Variants in ST6GALNAC3 observed in about 807,000 individuals in gnomAD.
ST6GALNAC3 encodes the protein alpha-N-acetylgalactosaminide alpha-2,6-sialyltransferase 3.
In ST6GALNAC3, 25 loss-of-function variants were observed where a neutral mutation model predicts 32.7. That is an observed-to-expected ratio of 0.76 (90% confidence interval 0.56 to 1.07). The LOEUF (loss-of-function observed/expected upper bound fraction) is 1.07. Among genes scored for constraint, ST6GALNAC3 ranks in the 50% least tolerant of loss-of-function variants. ST6GALNAC3 has a pLI of 0.00. For missense variants in ST6GALNAC3, 355 were observed against 382.4 expected (o/e 0.93, Z 0.60); for synonymous variants, 129 against 133.1 (o/e 0.97, Z 0.21).
intron 2 of ST6GALNAC3, among the ~76,000 whole-genome samples, chr1:76,361,885 G>A (rs1250219277): frequency 2.0e-5 from 3 of 151,090 alleles, no homozygotes; most frequent in Non-Finnish European, 2.9e-5. Flanking sequence ...GGCTGAAGCA[G>A]GAGAATCACT....
At chr1:76,564,672 G>A (rs1044838274) in intron 3 of ST6GALNAC3, among the ~76,000 whole-genome samples, 13 of 146,470 alleles carry the variant, frequency 8.9e-5, no homozygotes, top group Admixed American at 2.1e-4. Flanking sequence ...TGCAAGCTCC[G>A]CCTCCCGGGT....
At chr1:76,515,138 TG>T (rs1268403660) in intron 3 of ST6GALNAC3, among the ~76,000 whole-genome samples, 60 of 152,284 alleles carry the variant, frequency 3.9e-4, no homozygotes, top group African/African-American at 1.4e-3. Context: ...GCCATCAGGC[TG>T]GGCTTTGTAT....
At position 76,221,835 on chromosome 1, in the gene ST6GALNAC3, G is replaced by C. The variant is rs116743864; in HGVS notation, c.19-91970G>C. On this transcript the variant is annotated intron_variant, in intron 1 of 4. Coordinates refer to ENST00000328299, the MANE Select transcript of ST6GALNAC3 (RefSeq NM_152996.4). ...TTAACTGTAGAGATTATTGGCATAA[G>C]AGTTATTAATATAAAAGTCATGACT... 5.3e-3 allele frequency among the ~76,000 whole-genome samples: 814 copies of C among 152,210 alleles called. 12 individuals are homozygous for C. Among genetic ancestry groups the C allele is most frequent in the African/African-American group, 0.019 (771 of 41,538 alleles).
intron 2 of ST6GALNAC3, among the ~76,000 whole-genome samples, chr1:76,364,868 A>T (rs1650245601): frequency 6.6e-6 from 1 of 152,214 alleles, no homozygotes; most frequent in Admixed American, 6.5e-5. Flanking sequence ...ATGCTTATAC[A>T]CTATTGGTGG....
intron 3 of ST6GALNAC3, among the ~76,000 whole-genome samples, chr1:76,568,167 C>T (rs1461962966): frequency 6.6e-6 from 1 of 152,150 alleles, no homozygotes; most frequent in Non-Finnish European, 1.5e-5. Flanking sequence ...TTGTATCATT[C>T]CACGCTTTGA....
Position 76,206,531 on chromosome 1 carries a change from C to T in ST6GALNAC3, c.19-107274C>T, listed in dbSNP as rs1455270686. 3.3e-5 allele frequency among the ~76,000 whole-genome samples: 5 copies of T among 152,086 alleles called. No individual in the cohort carries two copies. The East Asian group carries it at 7.7e-4, about 23-fold the overall frequency. ...GATCATGAGGTCAGGAGATCAAGAC[C>T]ATCCTGGCCAACATGGTGAAACCCC... On this transcript the variant is annotated intron_variant, in intron 1 of 4. Transcript: ENST00000328299.
At chr1:76,255,937 C>T (rs923393614) in intron 1 of ST6GALNAC3, among the ~76,000 whole-genome samples, 12 of 150,988 alleles carry the variant, frequency 7.9e-5, no homozygotes, top group South Asian at 4.2e-4. Flanking sequence ...AGCTTCTATG[C>T]GGGAAAAGGA....
At chr1:76,164,490 G>GT (rs1652004046) in intron 1 of ST6GALNAC3, among the ~76,000 whole-genome samples, 1 of 152,166 alleles carries the variant, frequency 6.6e-6, no homozygotes, top group African/African-American at 2.4e-5. Context: ...AAAATACTCT[G>GT]TTTTTTACAT....
rs144349056 is a variant in ST6GALNAC3 at position 76,108,431 on chromosome 1, G to T, written c.18+33547G>T. 5.0e-3 allele frequency among the ~76,000 whole-genome samples: 761 copies of T among 152,274 alleles called. 6 individuals carry two copies. Among genetic ancestry groups the T allele is most frequent in the Middle Eastern group, 0.024 (7 of 294 alleles). On this transcript the variant is annotated intron_variant, in intron 1 of 4. Coordinates refer to ENST00000328299, the MANE Select transcript of ST6GALNAC3 (RefSeq NM_152996.4). ...GACTGCCAGCCAGGACCCCTAGCTT[G>T]GTGCACTACCTTTCTTGTTTAATCA... is the stretch of plus-strand genomic sequence containing the variant.
intron 2 of ST6GALNAC3, among the ~76,000 whole-genome samples, chr1:76,357,130 C>CTTTTTCTTTTTT (rs1553184102): frequency 3.6e-5 from 4 of 111,174 alleles, no homozygotes; most frequent in East Asian, 2.8e-4. Flanking sequence ...TTTTCTTTTT[C>CTTTTTCTTTTTT]TTTTTTTTTT....
chr1:76,214,967 A>G (rs1039268054), intron 1 of ST6GALNAC3, among the ~76,000 whole-genome samples: 4 of 152,310 alleles, frequency 2.6e-5, no homozygotes, highest in Middle Eastern at 3.4e-3. Context: ...CTGTTTCTTC[A>G]TCCTCAAATT....
At chr1:76,307,097 A>G (rs1661105830) in intron 1 of ST6GALNAC3, among the ~76,000 whole-genome samples, 1 of 152,190 alleles carries the variant, frequency 6.6e-6, no homozygotes, top group Admixed American at 6.6e-5. Flanking sequence ...TGAAGAGCCC[A>G]GAAAGCAACG....
At chr1:76,088,833 A>C (rs1053134542) in intron 1 of ST6GALNAC3, among the ~76,000 whole-genome samples, 7 of 152,226 alleles carry the variant, frequency 4.6e-5, no homozygotes, top group African/African-American at 1.4e-4. Context: ...AATTTTAGGC[A>C]AAAAAATTAG....
intron 1 of ST6GALNAC3, among the ~76,000 whole-genome samples, chr1:76,309,485 C>T (rs1472122100): frequency 6.6e-6 from 1 of 152,144 alleles, no homozygotes; most frequent in Non-Finnish European, 1.5e-5. Flanking sequence ...CCTTCTGTCT[C>T]ATCCATGGTT....
chr1:76,392,127 A>G (rs1017880724), intron 2 of ST6GALNAC3, among the ~76,000 whole-genome samples: 2 of 152,154 alleles, frequency 1.3e-5, no homozygotes, highest in Non-Finnish European at 2.9e-5. Flanking sequence ...GTATCCCCCA[A>G]TTGTAACAAT....
intron 3 of ST6GALNAC3, among the ~76,000 whole-genome samples, chr1:76,491,283 C>A (rs2101692294): frequency 6.6e-6 from 1 of 152,122 alleles, no homozygotes; most frequent in Admixed American, 6.6e-5. Context: ...TGTAAGCTGG[C>A]CTCATATTTT....
At chr1:76,577,800 T>C (rs999318467) in intron 3 of ST6GALNAC3, among the ~76,000 whole-genome samples, 3 of 152,082 alleles carry the variant, frequency 2.0e-5, no homozygotes, top group East Asian at 1.9e-4. Flanking sequence ...TCATTCTTTA[T>C]GTCCTTATTC....
At chr1:76,429,069 T>C (rs1655579473) in intron 3 of ST6GALNAC3, among the ~76,000 whole-genome samples, 1 of 152,098 alleles carries the variant, frequency 6.6e-6, no homozygotes, top group Admixed American at 6.6e-5. Flanking sequence ...AAATAACAAT[T>C]AGTCCTTCCT....
intron 3 of ST6GALNAC3, chr1:76,412,981 T>C: frequency 2.8e-6 from 1 of 359,866 alleles, no homozygotes; most frequent in Non-Finnish European, 5.5e-6. Flanking sequence ...TCATTAGCAG[T>C]TGAATTATTT....
Sources: allele counts gnomAD v4.1 joint callset (sites outside exome capture counted in the v4.1 genomes callset), GRCh38; gene constraint gnomAD v4.1.1; transcripts MANE v1.5; gene names NCBI Gene and HGNC (gene_info 2026-07-23, HGNC 2026-07-21).